The following NRCAM variants were observed in gnomAD, a reference collection of about 807,000 sequenced individuals.
NRCAM encodes the protein NgCAM-related cell adhesion molecule.
Under a neutral mutation model 156.5 loss-of-function variants are expected in NRCAM, and 83 were observed. The ratio of observed to expected loss-of-function variants is 0.53; its 90% CI spans 0.44 to 0.64. NRCAM has a LOEUF of 0.64. Ranked by LOEUF, NRCAM falls within the 30% of genes least tolerant of loss-of-function variation. The probability of loss-of-function intolerance (pLI) is 0.00; values close to 1 mark genes in which losing one functional copy is unlikely to be tolerated. For synonymous variants in NRCAM, 538 were observed against 563.9 expected, an observed-to-expected ratio of 0.95 and a Z score of 0.65; for missense variants, 1,417 against 1,597.3, an observed-to-expected ratio of 0.89 and a Z score of 1.92.
At chr7:108,335,269 G>T (rs2099167483) in intron 2 of NRCAM, among the ~76,000 whole-genome samples, 1 of 152,096 alleles carries the variant, frequency 6.6e-6, no homozygotes, top group South Asian at 2.1e-4. Context: ...GCTTATTAAA[G>T]CAATAAATGC....
At chr7:108,218,580 G>A (rs985240948) in intron 11 of NRCAM, among the ~76,000 whole-genome samples, 2 of 152,040 alleles carry the variant, frequency 1.3e-5, no homozygotes, top group Non-Finnish European at 2.9e-5. Context: ...GCAAAAACAC[G>A]GAAATTAAAT....
At chr7:108,257,014 A>AG (rs1320203548) in intron 3 of NRCAM, among the ~76,000 whole-genome samples, 4 of 137,062 alleles carry the variant, frequency 2.9e-5, no homozygotes, top group Non-Finnish European at 5.0e-5. Flanking sequence ...CGAAAAAAAA[A>AG]AAAAAGAAAA....
rs182215474 is a variant in NRCAM, at chr7:108,336,805, T to C, written c.-173-24074A>G. On this transcript the variant is annotated intron_variant, in intron 2 of 32. Coordinates refer to ENST00000379028, the MANE Select transcript of NRCAM (RefSeq NM_001037132.4). ...ATATCTCTTAAGTAATAACAATAAA[T>C]AATTACAAGTAAATAACTACAGTTA... Among the ~76,000 whole-genome samples the C allele has an allele frequency of 2.8e-3, 423 of 152,236 alleles. 2 individuals are homozygous for C. Among genetic ancestry groups the C allele is most frequent in the African/African-American group, 9.9e-3 (412 of 41,534 alleles).
chr7:108,245,391 A>G (rs915513746), intron 3 of NRCAM, among the ~76,000 whole-genome samples: 1 of 152,206 alleles, frequency 6.6e-6, no homozygotes, highest in African/African-American at 2.4e-5. Context: ...AGTGTTGCCC[A>G]TGGCACAACT....
In NRCAM at chr7:108,318,078, C is replaced by T. The variant is rs1211595868; in HGVS notation, c.-173-5347G>A. On this transcript the variant is annotated intron_variant, in intron 2 of 32. Coordinates refer to ENST00000379028, the MANE Select transcript of NRCAM (RefSeq NM_001037132.4). The stretch of plus-strand genomic sequence containing the variant: ...TTTTTTTTTTTGAGACGGAGTCTCA[C>T]TCTGTCGCCCAGACTGGAGTGGAGT... Among the ~76,000 whole-genome samples, 5 of 114,328 alleles carry T rather than the reference C, an allele frequency of 4.4e-5. No individual in the cohort carries two copies. The Admixed American group carries it at 5.5e-4, about 13-fold the overall frequency. The allele number at this position is 114,328 out of a possible 152,430, so 75.0% of individuals were successfully genotyped here. A position where few individuals can be genotyped will look rare whatever the true frequency, so the allele number is the denominator to read the frequency against.
intron 15 of NRCAM, among the ~76,000 whole-genome samples, chr7:108,195,362 A>T (rs1242032707): frequency 2.6e-5 from 4 of 152,186 alleles, no homozygotes; most frequent in Admixed American, 2.6e-4. Flanking sequence ...AGTGGCTCAT[A>T]CCTATAATCC....
chr7:108,392,259 G>T (rs987650542), intron 2 of NRCAM, among the ~76,000 whole-genome samples: 4 of 152,144 alleles, frequency 2.6e-5, no homozygotes, highest in Non-Finnish European at 5.9e-5. Context: ...ATTTCTTGGA[G>T]GCTTTGTTCA....
intron 2 of NRCAM, among the ~76,000 whole-genome samples, chr7:108,367,564 T>C (rs903798609): frequency 1.3e-5 from 2 of 152,204 alleles, no homozygotes; most frequent in Non-Finnish European, 2.9e-5. Context: ...GGGGCAGCTA[T>C]TTTGTAAGCA....
intron 2 of NRCAM, among the ~76,000 whole-genome samples, chr7:108,315,101 C>T (rs926330182): frequency 7.3e-5 from 11 of 150,784 alleles, no homozygotes; most frequent in African/African-American, 1.5e-4. Flanking sequence ...AAACTTTATA[C>T]GCAAGAATAT....
rs561633589 is a variant in NRCAM at position 108,222,953 on chromosome 7, G to A, written c.890+772C>T. Among the ~76,000 whole-genome samples, 20 of 152,288 alleles carry A rather than the reference G, an allele frequency of 1.3e-4. No homozygotes were observed. The East Asian group carries it at 1.5e-3, about 12-fold the overall frequency. ...TCCCTGCAACTCCTGTCAAAGGCGCGTCAGTTCTGGGGTAGCTTCAATTTT... is the reference window on the plus strand; with the variant it reads ...TCCCTGCAACTCCTGTCAAAGGCGCATCAGTTCTGGGGTAGCTTCAATTTT... On this transcript the variant is annotated intron_variant, in intron 11 of 32. Coordinates refer to ENST00000379028, the MANE Select transcript of NRCAM (RefSeq NM_001037132.4).
chr7:108,378,632 AACACACACACACACAC>A (rs3077977), intron 2 of NRCAM, among the ~76,000 whole-genome samples: 13,265 of 115,980 alleles, frequency 0.11, 797 homozygotes, highest in East Asian at 0.18. Flanking sequence ...AGCAGGATTC[AACACACACACACACAC>A]ACACACACAC....
rs1292917918 is a variant in NRCAM, at chr7:108,299,105, C to CAAAAAAAAAAAAAAAAAA, written c.-107+13559_-107+13560insTTTTTTTTTTTTTTTTTT. ...TGGGCCACAGAGCAAGACTCCATCTCAAAAAAAAAAAAGAAAGAAAGAAAG... is the reference window on the plus strand; with the variant it reads ...TGGGCCACAGAGCAAGACTCCATCTCAAAAAAAAAAAAAAAAAAAAAAAAAAAAAAGAAAGAAAGAAAG... On this transcript the variant is annotated intron_variant, in intron 3 of 32. Coordinates refer to ENST00000379028, the MANE Select transcript of NRCAM (RefSeq NM_001037132.4). Among the ~76,000 whole-genome samples the CAAAAAAAAAAAAAAAAAA allele has an allele frequency of 1.8e-4, 3 of 16,964 alleles. 1 individual carries two copies. The highest frequency in any genetic ancestry group is 2.3e-4 in the Non-Finnish European group (2 of 8,686). 11.1% of individuals were successfully genotyped at this position (16,964 alleles called of 152,430 possible). A position where few individuals can be genotyped will look rare whatever the true frequency, so the allele number is the denominator to read the frequency against.
chr7:108,279,742 T>G (rs529603044), intron 3 of NRCAM, among the ~76,000 whole-genome samples: 1 of 150,958 alleles, frequency 6.6e-6, no homozygotes, highest in East Asian at 2.0e-4. Context: ...TTTTTTCCAA[T>G]TTTTGACAGA....
At chr7:108,203,346 G>A (rs1171716892) in intron 13 of NRCAM, among the ~76,000 whole-genome samples, 3 of 152,106 alleles carry the variant, frequency 2.0e-5, no homozygotes, top group Non-Finnish European at 4.4e-5. Flanking sequence ...TTTGCTTCAA[G>A]GAAAGCTTTA....
intron 28 of NRCAM, among the ~76,000 whole-genome samples, chr7:108,171,425 ACT>A (rs1378256793): frequency 2.0e-5 from 3 of 151,544 alleles, no homozygotes; most frequent in African/African-American, 7.3e-5. Context: ...TTTTCCACAC[ACT>A]CTCTACAAGT....
In NRCAM at chr7:108,221,714, G is replaced by A. The variant is rs572006574; in HGVS notation, c.890+2011C>T. On this transcript the variant is annotated intron_variant, in intron 11 of 32. Transcript: ENST00000379028. Reference sequence around the variant, plus strand: ...GGGACTTCAGGGGAAGGGTGGAGGAGTGTTGAGGGACAAAAGACTACAAAT... The same window carrying A: ...GGGACTTCAGGGGAAGGGTGGAGGAATGTTGAGGGACAAAAGACTACAAAT... Among the ~76,000 whole-genome samples the A allele has an allele frequency of 1.0e-3, 154 of 152,218 alleles. 3 individuals carry two copies. Among genetic ancestry groups the A allele is most frequent in the African/African-American group, 3.2e-3 (133 of 41,542 alleles).
chr7:108,394,378 C>T (rs1250225255), intron 2 of NRCAM, among the ~76,000 whole-genome samples: 4 of 152,156 alleles, frequency 2.6e-5, no homozygotes, highest in Non-Finnish European at 5.9e-5. Flanking sequence ...TTCTGAGTTA[C>T]AGATTATATC....
chr7:108,174,978 A>G (rs1020728625), intron 28 of NRCAM, among the ~76,000 whole-genome samples: 14 of 152,224 alleles, frequency 9.2e-5, no homozygotes, highest in Non-Finnish European at 1.6e-4. Context: ...CACAGGGCTA[A>G]TATTTCTGAA....
intron 11 of NRCAM, among the ~76,000 whole-genome samples, chr7:108,223,270 G>A (rs1288710162): frequency 6.6e-6 from 1 of 152,130 alleles, no homozygotes; most frequent in Non-Finnish European, 1.5e-5. Flanking sequence ...GCCGAACCTT[G>A]CTGGTTAGAG....
Sources: allele counts gnomAD v4.1 joint callset (sites outside exome capture counted in the v4.1 genomes callset), GRCh38; gene constraint gnomAD v4.1.1; transcripts MANE v1.5; gene names NCBI Gene and HGNC (gene_info 2026-07-23, HGNC 2026-07-21).